The following PNPO variants were observed in gnomAD, a reference collection of about 807,000 sequenced individuals.
PNPO encodes the protein pyridoxine-5'-phosphate oxidase.
PNPO carries 39 observed loss-of-function variants against 35.0 expected under a neutral mutation model. That is an observed-to-expected ratio of 1.11 (90% CI 0.86 to 1.45). PNPO has a LOEUF of 1.45. Among genes scored for constraint, PNPO ranks in the 40% most tolerant of loss-of-function variants. PNPO has a pLI of 0.00. For synonymous variants in PNPO, 115 were observed against 119.8 expected, an observed-to-expected ratio of 0.96 and a Z score of 0.26; for missense variants, 288 against 340.0, an observed-to-expected ratio of 0.85 and a Z score of 1.20.
At position 47,946,604 on chromosome 17, in the gene PNPO, C is replaced by G. The variant is rs748045101; in HGVS notation, c.618-10C>G. The G allele has an allele frequency of 2.5e-6, 4 of 1,614,070 alleles. No individual in the cohort carries two copies. The East Asian group carries it at 8.9e-5, about 36-fold the overall frequency. The stretch of plus-strand genomic sequence containing the variant: ...CCACAGAGCACTGAAACCTCTGCTT[C>G]TCCTTATAGGGGTGGCTATGTCCTG... On this transcript the variant is annotated splice_polypyrimidine_tract_variant and intron_variant, in intron 6 of 6. Coordinates refer to ENST00000642017, the MANE Select transcript of PNPO (RefSeq NM_018129.4).
Position 47,943,294 on chromosome 17 carries a change from C to A in PNPO, c.139-12C>A. On this transcript the variant is annotated splice_polypyrimidine_tract_variant and intron_variant, in intron 1 of 6. Coordinates refer to ENST00000642017, the MANE Select transcript of PNPO (RefSeq NM_018129.4). The stretch of plus-strand genomic sequence containing the variant: ...TATATGTTTATTAAATGAAATAAAT[C>A]TCCTTTCCTAGGCATTTGAGGAGAC... The A allele has an allele frequency of 6.2e-7, 1 of 1,609,790 alleles. No individual in the cohort carries two copies. The highest frequency in any genetic ancestry group is 8.5e-7 in the Non-Finnish European group (1 of 1,176,510).
Position 47,941,672 on chromosome 17 carries a change from C to A in PNPO, c.-4C>A. 6.5e-7 allele frequency: 1 copy of A among 1,528,664 alleles called. No homozygotes were observed. The highest frequency in any genetic ancestry group is 8.8e-7 in the Non-Finnish European group (1 of 1,131,638). 94.7% of individuals were successfully genotyped at this position (1,528,664 alleles called of 1,614,324 possible). ...CAGCCGGGTCACGTGGCCGGCGGCC[C>A]CCCATGACGTGCTGGCTGCGGGGCG... is the stretch of plus-strand genomic sequence containing the variant. On this transcript the variant is annotated 5_prime_UTR_variant, in exon 1 of 7. Coordinates refer to ENST00000642017, the MANE Select transcript of PNPO (RefSeq NM_018129.4).
At chr17:47,943,812 A>G (rs1425545665) in intron 2 of PNPO, among the ~76,000 whole-genome samples, 4 of 152,150 alleles carry the variant, frequency 2.6e-5, no homozygotes, top group African/African-American at 4.8e-5. Context: ...TTTGACAATC[A>G]TATGCCCTTT....
chr17:47,945,938 C>T lies in PNPO; in HGVS notation c.495C>T (p.Ser165=), dbSNP rs2036001830. Residue 165 remains serine, a synonymous_variant, in exon 5 of 7, where the codon AGC becomes AGT. Coordinates refer to ENST00000642017, the MANE Select transcript of PNPO (RefSeq NM_018129.4). This position sits in a 1 kb window ranked among gnomAD's most constrained non-coding sequence, Gnocchi z 4.0. ...ACTTCCACTCCCGCCCCAAGAGCAGCCAGATTGGGGCTGTGGTCAGCCACC... is the reference window on the plus strand; with the variant it reads ...ACTTCCACTCCCGCCCCAAGAGCAGTCAGATTGGGGCTGTGGTCAGCCACC... ...ECYFHSRPKS[S]QIGAVVSHQS... is the part of the protein sequence containing the mutation. 2 of 1,613,972 alleles carry T rather than the reference C, an allele frequency of 1.2e-6. No individual in the cohort carries two copies. Among genetic ancestry groups the T allele is most frequent in the East Asian group, 4.5e-5 (2 of 44,878 alleles).
Position 47,945,943 on chromosome 17 carries a change from T to A in PNPO, c.500T>A (p.Ile167Asn). ...YFHSRPKSSQ[I>N]GAVVSHQSSV... Reference sequence around the variant, plus strand: ...CACTCCCGCCCCAAGAGCAGCCAGATTGGGGCTGTGGTCAGCCACCAGAGT... The same window carrying A: ...CACTCCCGCCCCAAGAGCAGCCAGAATGGGGCTGTGGTCAGCCACCAGAGT... Residue 167 changes from isoleucine to asparagine, a missense_variant, in exon 5 of 7, where the codon ATT becomes AAT. Physicochemically the swap from Ile to Asn is moderately radical, Grantham distance 149. Coordinates refer to ENST00000642017, the MANE Select transcript of PNPO (RefSeq NM_018129.4). The surrounding 1 kb of genome is among the most constrained non-coding windows in gnomAD (Gnocchi z 4.0). 1 of 1,614,046 alleles carries A rather than the reference T, an allele frequency of 6.2e-7. No individual in the cohort carries two copies. The highest frequency in any genetic ancestry group is 8.5e-7 in the Non-Finnish European group (1 of 1,180,026).
chr17:47,941,573 A>C lies in PNPO; in HGVS notation c.-103A>C. ...GTTAGCTTGGTTGGGCGACTGGCAA[A>C]TCCTTCCTTCCCCGGGGTAGAAGTC... On this transcript the variant is annotated 5_prime_UTR_variant, in exon 1 of 7. Transcript: ENST00000642017. The C allele has an allele frequency of 7.1e-7, 1 of 1,412,792 alleles. No individual in the cohort carries two copies. Among genetic ancestry groups the C allele is most frequent in the Non-Finnish European group, 9.3e-7 (1 of 1,075,812 alleles). 87.5% of individuals were successfully genotyped at this position (1,412,792 alleles called of 1,614,324 possible).
chr17:47,943,963 C>T (rs2035976376), intron 2 of PNPO, among the ~76,000 whole-genome samples: 2 of 152,168 alleles, frequency 1.3e-5, no homozygotes, highest in Admixed American at 1.3e-4. Context: ...CACTGTGATC[C>T]CGAAGCATTG....
chr17:47,942,516 G>A (rs1335038209), intron 1 of PNPO, among the ~76,000 whole-genome samples: 1 of 152,174 alleles, frequency 6.6e-6, no homozygotes, highest in African/African-American at 2.4e-5. Context: ...AGTGGAATAT[G>A]GGGGAAGGGG....
intron 5 of PNPO, 47 bp downstream of exon 5, chr17:47,946,036 T>C (rs771816432): frequency 1.9e-6 from 3 of 1,609,516 alleles, no homozygotes; most frequent in South Asian, 2.2e-5. Context: ...AGGCTTTGGC[T>C]TATCCCCAGA....
In PNPO at chr17:47,941,627, A is replaced by G. The variant is rs1230821388; in HGVS notation, c.-49A>G. 2 of 1,487,896 alleles carry G rather than the reference A, an allele frequency of 1.3e-6. No individual in the cohort carries two copies. The highest frequency in any genetic ancestry group is 4.4e-5 in the Admixed American group (2 of 45,868). 92.2% of individuals were successfully genotyped at this position (1,487,896 alleles called of 1,614,324 possible). ...GGTGAGAAATTGGTTCCGAACTCAA[A>G]GGAACCCAGTGCCGGGCCACAGCCG... On this transcript the variant is annotated 5_prime_UTR_variant, in exon 1 of 7. Transcript: ENST00000642017.
chr17:47,943,681 AC>A (rs1188325198), intron 2 of PNPO, among the ~76,000 whole-genome samples: 1 of 151,686 alleles, frequency 6.6e-6, no homozygotes, highest in Non-Finnish European at 1.5e-5. Flanking sequence ...TCCACACACA[AC>A]CCCTTGCCTC....
In PNPO at chr17:47,943,378, C is replaced by A; in HGVS notation, c.211C>A (p.Gln71Lys). 1 of 1,614,028 alleles carries A rather than the reference C, an allele frequency of 6.2e-7. No homozygotes were observed. Among genetic ancestry groups the A allele is most frequent in the South Asian group, 1.1e-5 (1 of 91,050 alleles). The change falls in exon 2 of 7, where the codon CAG (glutamine) becomes AAG (lysine). Residue 71 changes from glutamine to lysine, a missense_variant. Coordinates refer to ENST00000642017, the MANE Select transcript of PNPO (RefSeq NM_018129.4). ...QFAAWFEEAV[Q>K]CPDIGEANAM... ...TGCTGCCTGGTTTGAGGAGGCTGTT[C>A]AGTGTCCTGACATAGGGGAAGCCAA...
intron 2 of PNPO, among the ~76,000 whole-genome samples, chr17:47,944,336 A>G (rs1461867120): frequency 6.6e-6 from 1 of 151,632 alleles, no homozygotes; most frequent in East Asian, 1.9e-4. Flanking sequence ...ACTTAACCTT[A>G]ATTACCTCCA....
At chr17:47,942,053 T>G in intron 1 of PNPO, 3 of 1,304,636 alleles carry the variant, frequency 2.3e-6, no homozygotes, top group Non-Finnish European at 2.9e-6. Context: ...TCGTAATGGG[T>G]AAGAGCTCGA....
chr17:47,944,509 A>T, intron 2 of PNPO, 107 bp from the exon 3 acceptor site: 1 of 885,792 alleles, frequency 1.1e-6, no homozygotes, highest in Admixed American at 1.7e-5. Flanking sequence ...ACAGCCCAAT[A>T]AAGGGGGTGC....
chr17:47,943,271 T>G lies in PNPO; in HGVS notation c.139-35T>G, dbSNP rs772690203. 44 of 1,576,806 alleles carry G rather than the reference T, an allele frequency of 2.8e-5. No homozygotes were observed. In the South Asian group the frequency reaches 4.9e-4, roughly 18 times the overall value. On this transcript the variant is annotated intron_variant, in intron 1 of 6. Coordinates refer to ENST00000642017, the MANE Select transcript of PNPO (RefSeq NM_018129.4). Reference sequence around the variant, plus strand: ...TGCCAGGTCCATAGTAAGCACTATATATGTTTATTAAATGAAATAAATCTC... The same window carrying G: ...TGCCAGGTCCATAGTAAGCACTATAGATGTTTATTAAATGAAATAAATCTC...
Position 47,945,903 on chromosome 17 carries a change from G to A in PNPO, c.460G>A (p.Ala154Thr). 6.2e-7 allele frequency: 1 copy of A among 1,613,812 alleles called. No homozygotes were observed. Among genetic ancestry groups the A allele is most frequent in the Non-Finnish European group, 8.5e-7 (1 of 1,179,984 alleles). The change falls in exon 5 of 7, where the codon GCT becomes ACT. Residue 154 changes from alanine to threonine, a missense_variant. Coordinates refer to ENST00000642017, the MANE Select transcript of PNPO (RefSeq NM_018129.4). The surrounding 1 kb of genome is among the most constrained non-coding windows in gnomAD (Gnocchi z 4.0). Reference sequence around the variant, plus strand: ...TGTGAAGAAACTGCCTGAGGAGGAGGCTGAGTGCTACTTCCACTCCCGCCC... The same window carrying A: ...TGTGAAGAAACTGCCTGAGGAGGAGACTGAGTGCTACTTCCACTCCCGCCC... ...GPVKKLPEEE[A>T]ECYFHSRPKS...
intron 2 of PNPO, among the ~76,000 whole-genome samples, chr17:47,943,686 T>C (rs968240677): frequency 3.3e-5 from 5 of 152,170 alleles, no homozygotes; most frequent in African/African-American, 1.2e-4. Context: ...ACACAACCCC[T>C]TGCCTCCCTC....
chr17:47,942,125 G>A, intron 1 of PNPO: 1 of 864,104 alleles, frequency 1.2e-6, no homozygotes, highest in African/African-American at 1.7e-5. Flanking sequence ...CCTCATCTGG[G>A]AAGTGATAGT....
Sources: allele counts gnomAD v4.1 joint callset (sites outside exome capture counted in the v4.1 genomes callset), GRCh38; gene constraint gnomAD v4.1.1; non-coding constraint Gnocchi (gnomAD v3.1); transcripts MANE v1.5; gene names NCBI Gene and HGNC (gene_info 2026-07-23, HGNC 2026-07-21).